The following SATB1 variants were observed in gnomAD, a reference collection of about 807,000 sequenced individuals.
The protein encoded by SATB1 is SATB homeobox 1.
Under a neutral mutation model 86.9 loss-of-function variants are expected in SATB1, and 11 were observed. The ratio of observed to expected loss-of-function variants is 0.13; its 90% CI spans 0.08 to 0.21. The LOEUF (loss-of-function observed/expected upper bound fraction) is 0.21, where lower values mean the gene tolerates loss of function less well. Ranked by LOEUF, SATB1 falls within the 10% of genes least tolerant of loss-of-function variation. SATB1 has a pLI of 1.00. For synonymous variants in SATB1, 357 were observed against 357.2 expected (o/e 1.00, Z 0.01); for missense variants, 551 against 937.6 (o/e 0.59, Z 5.39).
chr3:18,421,843 T>TAA (rs201544416), intron 1 of SATB1, among the ~76,000 whole-genome samples: 2 of 137,068 alleles, frequency 1.5e-5, no homozygotes, highest in East Asian at 2.1e-4. Context: ...CAAGCTCAAT[T>TAA]AAAAAAAAAA....
chr3:18,352,489 G>A lies in SATB1; in HGVS notation c.1576-294C>T. The A allele has an allele frequency of 3.2e-6, 1 of 316,586 alleles. No homozygotes were observed. The highest frequency in any genetic ancestry group is 6.0e-6 in the Non-Finnish European group (1 of 167,554). 19.6% of individuals were successfully genotyped at this position (316,586 alleles called of 1,614,324 possible). ...AGATTTTTTAATATATGAAATAGGA[G>A]AAAAACAAAGTTGATGTGCTTCAGT... is the stretch of plus-strand genomic sequence containing the variant. On this transcript the variant is annotated intron_variant, in intron 9 of 10. Coordinates refer to ENST00000338745, the MANE Select transcript of SATB1 (RefSeq NM_002971.6). The surrounding 1 kb of genome is among the most constrained non-coding windows in gnomAD (Gnocchi z 4.1).
chr3:18,397,697 T>TATAGAC (rs1697034995), intron 5 of SATB1, among the ~76,000 whole-genome samples: 1 of 152,216 alleles, frequency 6.6e-6, no homozygotes, highest in Admixed American at 6.5e-5. Flanking sequence ...CTACTCAAAG[T>TATAGAC]ATAGACCAGG....
chr3:18,373,141 C>T (rs562667083), intron 9 of SATB1, among the ~76,000 whole-genome samples: 18 of 152,302 alleles, frequency 1.2e-4, no homozygotes, highest in African/African-American at 4.3e-4. Flanking sequence ...TGTAAAGGGG[C>T]AGTTCTCTCT....
intron 8 of SATB1, among the ~76,000 whole-genome samples, chr3:18,385,464 C>CA: frequency 6.6e-6 from 1 of 151,710 alleles, no homozygotes; most frequent in South Asian, 2.1e-4. Flanking sequence ...CTACTAAAAA[C>CA]ACAAAAAAAT....
chr3:18,417,185 G>A (rs1190552553), intron 2 of SATB1, 107 bp from the exon 3 acceptor site: 2 of 1,128,032 alleles, frequency 1.8e-6, no homozygotes, highest in African/African-American at 3.1e-5. Context: ...AATCACAAGA[G>A]ATTCACTGTG....
chr3:18,379,698 A>G (rs1695946404), intron 8 of SATB1, among the ~76,000 whole-genome samples: 2 of 152,176 alleles, frequency 1.3e-5, no homozygotes, highest in Non-Finnish European at 2.9e-5. Flanking sequence ...TTTCTAGCCA[A>G]TTAGCAAAAT....
rs370830593 is a variant in SATB1, at chr3:18,394,946, C to T, written c.752-30G>A. 6.1e-6 allele frequency: 9 copies of T among 1,482,362 alleles called. No homozygotes were observed. The highest frequency in any genetic ancestry group is 7.3e-6 in the Non-Finnish European group (8 of 1,100,434). 91.8% of individuals were successfully genotyped at this position (1,482,362 alleles called of 1,614,324 possible). The stretch of plus-strand genomic sequence containing the variant: ...AGTGGACAAAGAGTAAAATCACATT[C>T]AGCCAACAATGATTGGCATTGATAA... On this transcript the variant is annotated intron_variant, in intron 6 of 10. Transcript: ENST00000338745. This position sits in a 1 kb window ranked among gnomAD's most constrained non-coding sequence, Gnocchi z 5.9.
chr3:18,386,660 G>T lies in SATB1; in HGVS notation c.1207-49C>A. ...GTGAGCCTGCTGCCTTGCTTTGCCT[G>T]GCCAGCAGTGATCCTTCCCTTTTCT... On this transcript the variant is annotated intron_variant, in intron 7 of 10. Transcript: ENST00000338745. The surrounding 1 kb of genome is among the most constrained non-coding windows in gnomAD (Gnocchi z 4.5). 1 of 1,463,466 alleles carries T rather than the reference G, an allele frequency of 6.8e-7. No individual in the cohort carries two copies. The highest frequency in any genetic ancestry group is 9.6e-7 in the Non-Finnish European group (1 of 1,044,808). 90.7% of individuals were successfully genotyped at this position (1,463,466 alleles called of 1,614,324 possible).
rs1439920396 is a variant in SATB1 at position 18,345,699 on chromosome 3, C to A, written c.*3471G>T. ...TAATATTTTGGACCTCCATTGGTTT[C>A]CACACTATCATGCAAATTTCCAACT... On this transcript the variant is annotated 3_prime_UTR_variant, in exon 11 of 11. Transcript: ENST00000338745. The A allele has an allele frequency of 1.3e-5, 2 of 152,082 alleles. No individual in the cohort carries two copies. Among genetic ancestry groups the A allele is most frequent in the African/African-American group, 4.8e-5 (2 of 41,422 alleles). 9.4% of individuals were successfully genotyped at this position (152,082 alleles called of 1,614,324 possible).
intron 9 of SATB1, among the ~76,000 whole-genome samples, chr3:18,368,466 A>G (rs1400596641): frequency 2.6e-5 from 4 of 152,196 alleles, no homozygotes; most frequent in Non-Finnish European, 4.4e-5. Flanking sequence ...AAACACATGG[A>G]AAATAGACTA....
Position 18,420,386 on chromosome 3 carries a change from G to A in SATB1, c.211+371C>T, listed in dbSNP as rs147833617. ...ACTAAGAATCTTAGGAAGAAGCTAG[G>A]GTAACTCTCAAATCACCTAAGTGTT... On this transcript the variant is annotated intron_variant, in intron 2 of 10. Coordinates refer to ENST00000338745, the MANE Select transcript of SATB1 (RefSeq NM_002971.6). Among the ~76,000 whole-genome samples, 981 of 152,120 alleles carry A rather than the reference G, an allele frequency of 6.4e-3. 8 individuals carry two copies. Among genetic ancestry groups the A allele is most frequent in the African/African-American group, 7.9e-3 (329 of 41,472 alleles).
At position 18,424,002 on chromosome 3, in the gene SATB1, G is replaced by C. The variant is rs1245850734; in HGVS notation, c.-400C>G. On this transcript the variant is annotated 5_prime_UTR_variant, in exon 1 of 11. The change creates a new upstream start codon in the 5' untranslated region. Coordinates refer to ENST00000338745, the MANE Select transcript of SATB1 (RefSeq NM_002971.6). ...AGTGGGAAGCAGGGAGGAGGAAGAA[G>C]ATAAAATTGATCTGACAAGTGATTC... is the stretch of plus-strand genomic sequence containing the variant. The C allele has an allele frequency of 6.6e-6, 1 of 151,962 alleles. No individual in the cohort carries two copies. The highest frequency in any genetic ancestry group is 1.9e-4 in the East Asian group (1 of 5,154). 9.4% of individuals were successfully genotyped at this position (151,962 alleles called of 1,614,324 possible). A position where few individuals can be genotyped will look rare whatever the true frequency, so the allele number is the denominator to read the frequency against.
In SATB1 at chr3:18,348,986, A is replaced by C. The variant is rs1006904217; in HGVS notation, c.*184T>G. On this transcript the variant is annotated 3_prime_UTR_variant, in exon 11 of 11. Coordinates refer to ENST00000338745, the MANE Select transcript of SATB1 (RefSeq NM_002971.6). ...ACCTGGGGCTGCCAAGCAGTTTGTA[A>C]AACAGAGGAAAACATTTAGTGCAGT... 9.7e-7 allele frequency: 1 copy of C among 1,034,316 alleles called. No homozygotes were observed. The highest frequency in any genetic ancestry group is 1.4e-6 in the Non-Finnish European group (1 of 737,254). The allele number at this position is 1,034,316 out of a possible 1,614,324, so 64.1% of individuals were successfully genotyped here.
intron 2 of SATB1, among the ~76,000 whole-genome samples, chr3:18,433,235 T>C (rs912504574): frequency 2.6e-5 from 4 of 152,200 alleles, no homozygotes; most frequent in Non-Finnish European, 5.9e-5. Context: ...ATTAACTATA[T>C]GCATGAAATA....
intron 1 of SATB1, among the ~76,000 whole-genome samples, chr3:18,437,590 A>G (rs1699108206): frequency 6.6e-6 from 1 of 152,210 alleles, no homozygotes; most frequent in African/African-American, 2.4e-5. Flanking sequence ...ATTAAAATAC[A>G]GTGATTCTAT....
At chr3:18,416,449 A>C (rs1439178145) in intron 3 of SATB1, among the ~76,000 whole-genome samples, 1 of 152,148 alleles carries the variant, frequency 6.6e-6, no homozygotes, top group Non-Finnish European at 1.5e-5. Context: ...ACCAGTTCTA[A>C]ATGGCTTTAT....
chr3:18,351,914 A>C, intron 10 of SATB1, 78 bp downstream of exon 10: 119 of 1,375,052 alleles, frequency 8.7e-5, no homozygotes, highest in Non-Finnish European at 1.1e-4. Flanking sequence ...GGCAGGAGGA[A>C]GAGAAACGCT....
Position 18,349,890 on chromosome 3 carries a change from A to T in SATB1, c.1780-208T>A. The T allele has an allele frequency of 1.2e-6, 1 of 865,478 alleles. No homozygotes were observed. The highest frequency in any genetic ancestry group is 2.7e-5 in the East Asian group (1 of 36,574). 53.6% of individuals were successfully genotyped at this position (865,478 alleles called of 1,614,324 possible). On this transcript the variant is annotated intron_variant, in intron 10 of 10. Transcript: ENST00000338745. The surrounding 1 kb of genome is among the most constrained non-coding windows in gnomAD (Gnocchi z 5.5). ...TATGACTAGGAAGGGATGAATTAAG[A>T]CAGCTTTGGGGGGCTACTGCACTTA...
upstream of SATB1, among the ~76,000 whole-genome samples, chr3:18,429,391 T>G (rs888287189): frequency 6.6e-6 from 1 of 152,242 alleles, no homozygotes; most frequent in Non-Finnish European, 1.5e-5. The surrounding 1 kb of genome is among the most constrained non-coding windows in gnomAD (Gnocchi z 4.1). Context: ...ATTGCACGCT[T>G]CTTCTCACAT....
Sources: gnomAD v4.1 joint callset for allele counts (sites outside exome capture counted in the v4.1 genomes callset) on GRCh38, gnomAD v4.1.1 for gene constraint, Gnocchi (gnomAD v3.1) non-coding constraint, MANE v1.5 for transcripts, NCBI Gene and HGNC (gene_info 2026-07-23, HGNC 2026-07-21) for gene names.